Variants in ATF1 observed in about 807,000 individuals in gnomAD.
ATF1 encodes the protein activating transcription factor 1, also known as cyclic AMP-dependent transcription factor ATF-1.
In ATF1, 16 loss-of-function variants were observed where a neutral mutation model predicts 34.7. The ratio of observed to expected loss-of-function variants is 0.46; its 90% CI spans 0.31 to 0.70. The LOEUF (loss-of-function observed/expected upper bound fraction) is 0.70, where lower values mean the gene tolerates loss of function less well. Among genes scored for constraint, ATF1 ranks in the 30% least tolerant of loss-of-function variants. The pLI, the probability that ATF1 is intolerant of heterozygous loss-of-function variation, is 0.05. For missense variants in ATF1, 255 were observed against 321.6 expected, an observed-to-expected ratio of 0.79 and a Z score of 1.58; for synonymous variants, 105 against 113.1, an observed-to-expected ratio of 0.93 and a Z score of 0.46.
chr12:50,769,362 C>T (rs749516081), intron 1 of ATF1, among the ~76,000 whole-genome samples: 43 of 152,042 alleles, frequency 2.8e-4, no homozygotes, highest in Middle Eastern at 3.4e-3. Flanking sequence ...AAAAGTTAGC[C>T]GGGCATGGTG....
At chr12:50,776,033 C>T (rs181233118) in intron 1 of ATF1, among the ~76,000 whole-genome samples, 34 of 152,210 alleles carry the variant, frequency 2.2e-4, no homozygotes, top group South Asian at 1.7e-3. Flanking sequence ...AAAAATTAGG[C>T]TGGGCACGGT....
At chr12:50,798,382 C>T (rs1409010166) in intron 3 of ATF1, among the ~76,000 whole-genome samples, 1 of 151,418 alleles carries the variant, frequency 6.6e-6, no homozygotes, top group East Asian at 2.0e-4. Flanking sequence ...AATCTCGGCT[C>T]ACTGCAAGCT....
chr12:50,797,565 A>G (rs1213293714), intron 3 of ATF1, among the ~76,000 whole-genome samples: 3 of 152,034 alleles, frequency 2.0e-5, no homozygotes, highest in Non-Finnish European at 4.4e-5. Context: ...TGCAGCCTCA[A>G]CCTCCTGGGG....
chr12:50,792,815 A>G (rs1404743352), intron 2 of ATF1, among the ~76,000 whole-genome samples: 3 of 151,804 alleles, frequency 2.0e-5, no homozygotes, highest in Non-Finnish European at 4.4e-5. Context: ...GGTATTTTCT[A>G]TATGCTTTAT....
At chr12:50,781,216 T>C (rs982483511) in intron 2 of ATF1, among the ~76,000 whole-genome samples, 1 of 152,292 alleles carries the variant, frequency 6.6e-6, no homozygotes, top group Non-Finnish European at 1.5e-5. Context: ...ACCTACATAT[T>C]TTCCTGTATA....
chr12:50,805,029 T>C (rs1350520788), intron 3 of ATF1, among the ~76,000 whole-genome samples: 1 of 151,864 alleles, frequency 6.6e-6, no homozygotes, highest in Non-Finnish European at 1.5e-5. Context: ...TCCAGGCTGG[T>C]TTCGAGCTCC....
chr12:50,788,488 G>GT (rs796614717), intron 2 of ATF1, among the ~76,000 whole-genome samples: 2,657 of 141,906 alleles, frequency 0.019, 50 homozygotes, highest in African/African-American at 0.058. Context: ...ACCTGGCCCT[G>GT]TTTTTTTTTT....
intron 1 of ATF1, among the ~76,000 whole-genome samples, chr12:50,770,848 G>A (rs932587621): frequency 6.6e-6 from 1 of 152,092 alleles, no homozygotes; most frequent in African/African-American, 2.4e-5. Flanking sequence ...AAGAGGGATG[G>A]GTAATTTAAA....
At chr12:50,790,900 A>G (rs1592183576) in intron 2 of ATF1, among the ~76,000 whole-genome samples, 1 of 152,258 alleles carries the variant, frequency 6.6e-6, no homozygotes, top group Admixed American at 6.5e-5. Context: ...GGACAGAGAA[A>G]GGATTCATAA....
chr12:50,789,137 G>A (rs1941249461), intron 2 of ATF1, among the ~76,000 whole-genome samples: 1 of 151,714 alleles, frequency 6.6e-6, no homozygotes, highest in Admixed American at 6.6e-5. Context: ...GGAGTGCAGT[G>A]GTGCAATCTC....
Position 50,781,098 on chromosome 12 carries a change from A to G in ATF1, c.93+860A>G, listed in dbSNP as rs190820486. On this transcript the variant is annotated intron_variant, in intron 2 of 6. Transcript: ENST00000262053. ...TTTTATTTTCTTTTAAACGAAGTAT[A>G]TAGTCATCTCTCAGTATCTGTGGGA... Among the ~76,000 whole-genome samples, 725 of 152,334 alleles carry G rather than the reference A, an allele frequency of 4.8e-3. 5 individuals are homozygous for G. Among genetic ancestry groups the G allele is most frequent in the Non-Finnish European group, 8.7e-3 (595 of 68,026 alleles).
chr12:50,780,955 A>G (rs1026994458), intron 2 of ATF1, among the ~76,000 whole-genome samples: 7 of 152,068 alleles, frequency 4.6e-5, no homozygotes, highest in Non-Finnish European at 7.4e-5. Context: ...ACGAGACTCC[A>G]TATCATAAAA....
chr12:50,764,037 G>A (rs1451153193), upstream of ATF1: 1 of 152,038 alleles, frequency 6.6e-6, no homozygotes, highest in Admixed American at 6.5e-5. Context: ...CTAGTGCTCA[G>A]TTTTGCCCCC....
intron 1 of ATF1, among the ~76,000 whole-genome samples, chr12:50,771,884 A>G (rs978283797): frequency 7.2e-5 from 11 of 152,228 alleles, no homozygotes; most frequent in Non-Finnish European, 2.9e-5. Flanking sequence ...CACAAATGCC[A>G]TGGCAAAGTC....
intron 6 of ATF1, among the ~76,000 whole-genome samples, chr12:50,817,909 A>G (rs11169570): frequency 0.35 from 53,576 of 151,966 alleles, 9,707 homozygotes; most frequent in Non-Finnish European, 0.39. Context: ...ACTGACAACC[A>G]TTTTAAAATG....
chr12:50,793,959 TA>T (rs2139668458), intron 2 of ATF1, among the ~76,000 whole-genome samples: 1 of 152,076 alleles, frequency 6.6e-6, no homozygotes, highest in African/African-American at 2.4e-5. Flanking sequence ...TTTTTATTTT[TA>T]TTTTTTTTGA....
At chr12:50,769,922 G>T (rs763262103) in intron 1 of ATF1, among the ~76,000 whole-genome samples, 6 of 152,218 alleles carry the variant, frequency 3.9e-5, no homozygotes, top group Non-Finnish European at 7.3e-5. Context: ...GAGCTAGAAT[G>T]TTCATGAATA....
intron 3 of ATF1, among the ~76,000 whole-genome samples, chr12:50,799,391 C>A (rs1941471373): frequency 6.6e-6 from 1 of 152,104 alleles, no homozygotes; most frequent in Non-Finnish European, 1.5e-5. Flanking sequence ...CCCAAATACA[C>A]ACATGCACAT....
chr12:50,775,525 G>A (rs940483699), intron 1 of ATF1: 3 of 151,806 alleles, frequency 2.0e-5, no homozygotes, highest in African/African-American at 7.3e-5. Flanking sequence ...CAGTATCTGG[G>A]ACCACAGGCA....
Sources: allele counts gnomAD v4.1 joint callset (sites outside exome capture counted in the v4.1 genomes callset), GRCh38; gene constraint gnomAD v4.1.1; transcripts MANE v1.5; gene names NCBI Gene and HGNC (gene_info 2026-07-23, HGNC 2026-07-21).